The following IFIH1 variants were observed in gnomAD, a reference collection of about 807,000 sequenced individuals.
The protein encoded by IFIH1 is interferon induced with helicase C domain 1, also known as interferon-induced helicase C domain-containing protein 1.
A neutral mutation model predicts 107.4 loss-of-function variants in IFIH1; 125 were observed. The observed-to-expected ratio is 1.16, with a 90% CI of 1.01 to 1.35. The LOEUF is 1.35. Among genes scored for constraint, IFIH1 ranks in the 40% most tolerant of loss-of-function variants. The pLI is 0.00. For synonymous variants in IFIH1, 458 were observed against 413.2 expected, an observed-to-expected ratio of 1.11 and a Z score of -1.31; for missense variants, 1,333 against 1,213.7, an observed-to-expected ratio of 1.10 and a Z score of -1.46.
At position 162,314,408 on chromosome 2, in the gene IFIH1, T is replaced by TCCC. The variant is rs1683439743; in HGVS notation, c.453+3446_453+3447insGGG. ...CCTCCCTCCCTCCCTCCTTTCTTTCTTTCTTTCTTTTCTTTCTTTCTTTCT... is the reference window on the plus strand; with the variant it reads ...CCTCCCTCCCTCCCTCCTTTCTTTCTCCCTTCTTTCTTTTCTTTCTTTCTTTCT... On this transcript the variant is annotated intron_variant, in intron 1 of 15. Coordinates refer to ENST00000649979, the MANE Select transcript of IFIH1 (RefSeq NM_022168.4). Among the ~76,000 whole-genome samples the TCCC allele has an allele frequency of 1.4e-4, 10 of 71,022 alleles. 1 individual carries two copies. The highest frequency in any genetic ancestry group is 1.0e-3 in the African/African-American group (10 of 9,780). 46.6% of individuals were successfully genotyped at this position (71,022 alleles called of 152,430 possible).
chr2:162,308,970 A>G (rs954349320), intron 2 of IFIH1, among the ~76,000 whole-genome samples: 2 of 152,210 alleles, frequency 1.3e-5, no homozygotes, highest in African/African-American at 4.8e-5. Context: ...AGGCAAATTC[A>G]TCACCAGCTG....
At chr2:162,279,738 C>T (rs1452060221) in intron 8 of IFIH1, among the ~76,000 whole-genome samples, 2 of 151,920 alleles carry the variant, frequency 1.3e-5, no homozygotes, top group Non-Finnish European at 2.9e-5. Context: ...GCCCATGGCC[C>T]CTCACTGTCC....
At chr2:162,314,941 G>A (rs10203557) in intron 1 of IFIH1, among the ~76,000 whole-genome samples, 14,810 of 152,218 alleles carry the variant, frequency 0.097, 2,458 homozygotes, top group African/African-American at 0.34. Context: ...GAATGAATGA[G>A]TGAATGAATG....
At chr2:162,291,275 T>C (rs1288124235) in intron 4 of IFIH1, among the ~76,000 whole-genome samples, 1 of 151,826 alleles carries the variant, frequency 6.6e-6, no homozygotes, top group Non-Finnish European at 1.5e-5. Context: ...GAGTTATTCT[T>C]GGAGAGAAAA....
intron 1 of IFIH1, among the ~76,000 whole-genome samples, chr2:162,312,815 T>C (rs1038238342): frequency 6.6e-6 from 1 of 152,216 alleles, no homozygotes; most frequent in Non-Finnish European, 1.5e-5. Flanking sequence ...TTCTTTTAAC[T>C]CAGCCATTCT....
At chr2:162,306,905 G>A in intron 2 of IFIH1, 50 bp from the exon 3 acceptor site, 1 of 1,522,520 alleles carries the variant, frequency 6.6e-7, no homozygotes, top group Non-Finnish European at 9.1e-7. Flanking sequence ...ACAAGTTTTT[G>A]TAGAGCATAC....
At position 162,273,930 on chromosome 2, in the gene IFIH1, T is replaced by A; in HGVS notation, c.2319A>T (p.Glu773Asp). 6.3e-7 allele frequency: 1 copy of A among 1,599,144 alleles called. No individual in the cohort carries two copies. The highest frequency in any genetic ancestry group is 8.6e-7 in the Non-Finnish European group (1 of 1,168,744). Residue 773 changes from glutamate to aspartate, a missense_variant, in exon 12 of 16, where the codon GAA becomes GAT. Transcript: ENST00000649979. ...FKPMTQNEQK[E>D]VISKFRTGKI... is the part of the protein sequence containing the mutation. ...TTCCAGTGCGAAATTTACTAATGAC[T>A]TCTTTTTGTTCATTCTGTAGAAACA...
At chr2:162,277,873 G>T (rs1311035467) in intron 9 of IFIH1, among the ~76,000 whole-genome samples, 180 bp from the exon 10 acceptor site, 1 of 152,102 alleles carries the variant, frequency 6.6e-6, no homozygotes, top group African/African-American at 2.4e-5. Flanking sequence ...CCAACTCCTA[G>T]ACTTGCTGCT....
At position 162,267,370 on chromosome 2, in the gene IFIH1, T is replaced by A. The variant is rs1344990810; in HGVS notation, c.2908A>T (p.Thr970Ser). 1 of 1,613,912 alleles carries A rather than the reference T, an allele frequency of 6.2e-7. No homozygotes were observed. Among genetic ancestry groups the A allele is most frequent in the Non-Finnish European group, 8.5e-7 (1 of 1,179,952 alleles). Residue 970 changes from threonine (T) to serine (S), a missense_variant, in exon 16 of 16, where the codon ACA becomes TCA. Coordinates refer to ENST00000649979, the MANE Select transcript of IFIH1 (RefSeq NM_022168.4). The part of the protein sequence containing the change: ...IICKCGQAWG[T>S]MMVHKGLDLP... The stretch of plus-strand genomic sequence containing the variant: ...TCTAAGCCTTTGTGCACCATCATTG[T>A]TCCCCAAGCCTGGAAAACAAAAGAG...
intron 3 of IFIH1, among the ~76,000 whole-genome samples, chr2:162,300,789 T>A (rs1169824168): frequency 2.0e-5 from 3 of 152,344 alleles, no homozygotes; most frequent in South Asian, 4.1e-4. Flanking sequence ...CAATTATTTT[T>A]TTCCACTTAG....
chr2:162,308,493 C>T (rs1359799630), intron 2 of IFIH1, among the ~76,000 whole-genome samples: 2 of 151,948 alleles, frequency 1.3e-5, no homozygotes, highest in East Asian at 3.9e-4. Context: ...ATTCTTCTGC[C>T]TCAGCCTTCC....
At chr2:162,283,697 C>T (rs1400262673) in intron 5 of IFIH1, among the ~76,000 whole-genome samples, 1 of 151,960 alleles carries the variant, frequency 6.6e-6, no homozygotes, top group Non-Finnish European at 1.5e-5. Context: ...GTAAGTCCCA[C>T]TTAGGTGTTA....
At chr2:162,314,484 C>CTTTCTT (rs1553461384) in intron 1 of IFIH1, among the ~76,000 whole-genome samples, 29 of 96,980 alleles carry the variant, frequency 3.0e-4, no homozygotes, top group African/African-American at 2.0e-3. Flanking sequence ...TTCTTTCTTT[C>CTTTCTT]TTTTTCTTTC....
intron 3 of IFIH1, among the ~76,000 whole-genome samples, chr2:162,294,607 C>T (rs1040300373): frequency 6.6e-6 from 1 of 151,902 alleles, no homozygotes; most frequent in Non-Finnish European, 1.5e-5. Context: ...CTTCACAGCC[C>T]TTGATAATCT....
chr2:162,272,533 A>T, intron 12 of IFIH1, 146 bp from the exon 13 acceptor site: 1 of 658,602 alleles, frequency 1.5e-6, no homozygotes, highest in Non-Finnish European at 2.6e-6. Flanking sequence ...AAGTTAGTAA[A>T]GTTAGTTATT....
At chr2:162,288,616 C>T (rs1006387576) in intron 4 of IFIH1, among the ~76,000 whole-genome samples, 2 of 151,822 alleles carry the variant, frequency 1.3e-5, no homozygotes, top group African/African-American at 2.4e-5. Flanking sequence ...GAAGGAGCAA[C>T]ATGGGGGAGT....
intron 13 of IFIH1, among the ~76,000 whole-genome samples, chr2:162,271,353 A>G (rs1269207254): frequency 6.6e-6 from 1 of 151,448 alleles, no homozygotes; most frequent in Admixed American, 6.6e-5. Flanking sequence ...AAACTATCAC[A>G]AGGACAGAAA....
chr2:162,284,229 C>T (rs760544697), intron 5 of IFIH1, among the ~76,000 whole-genome samples: 1 of 151,826 alleles, frequency 6.6e-6, no homozygotes, highest in Non-Finnish European at 1.5e-5. Context: ...GTATTCTTTC[C>T]ATTTCATTTA....
At chr2:162,300,220 C>T (rs1178527924) in intron 3 of IFIH1, among the ~76,000 whole-genome samples, 1 of 152,136 alleles carries the variant, frequency 6.6e-6, no homozygotes, top group African/African-American at 2.4e-5. Flanking sequence ...ACCAACTCAC[C>T]TCCTTCTTCC....
Sources: gnomAD v4.1 joint callset for allele counts (sites outside exome capture counted in the v4.1 genomes callset) on GRCh38, gnomAD v4.1.1 for gene constraint, MANE v1.5 for transcripts, NCBI Gene and HGNC (gene_info 2026-07-23, HGNC 2026-07-21) for gene names.